RUFY1: variants seen among roughly 807,000 people sequenced by gnomAD.
RUFY1 encodes RUN and FYVE domain-containing protein 1.
A neutral mutation model predicts 94.6 loss-of-function variants in RUFY1; 54 were observed. The observed-to-expected ratio is 0.57, with a 90% CI of 0.46 to 0.72. The LOEUF is 0.72. Ranked by LOEUF, RUFY1 falls within the 30% of genes least tolerant of loss-of-function variation. The probability of loss-of-function intolerance (pLI) is 0.00; values close to 1 mark genes in which losing one functional copy is unlikely to be tolerated. For synonymous variants in RUFY1, 396 were observed against 347.3 expected (o/e 1.14, Z -1.56); for missense variants, 883 against 883.9 (o/e 1.00, Z 0.01).
chr5:179,593,200 T>C (rs762466964), intron 10 of RUFY1, among the ~76,000 whole-genome samples: 2 of 152,140 alleles, frequency 1.3e-5, no homozygotes, highest in South Asian at 4.1e-4. Flanking sequence ...CTCAGCCTCC[T>C]GAGAGTAGCT....
chr5:179,552,926 T>TA (rs1761932514), intron 1 of RUFY1, among the ~76,000 whole-genome samples: 1 of 152,228 alleles, frequency 6.6e-6, no homozygotes, highest in Non-Finnish European at 1.5e-5. Context: ...CCTGTACAAG[T>TA]ATTCATTCAT....
intron 11 of RUFY1, among the ~76,000 whole-genome samples, 182 bp downstream of exon 11, chr5:179,593,827 A>G (rs1765307997): frequency 6.6e-6 from 1 of 152,186 alleles, no homozygotes; most frequent in Non-Finnish European, 1.5e-5. Context: ...GGGAAATGTA[A>G]GTGACAAGGC....
intron 5 of RUFY1, among the ~76,000 whole-genome samples, chr5:179,576,028 T>C (rs916755181): frequency 6.6e-6 from 1 of 152,088 alleles, no homozygotes; most frequent in Non-Finnish European, 1.5e-5. Context: ...CCATCCACCC[T>C]CCTGAGACTC....
In RUFY1 at chr5:179,568,979, CAG is replaced by C. The variant is rs1253989188; in HGVS notation, c.705-321_705-320del. 4 of 942,404 alleles carry C rather than the reference CAG, an allele frequency of 4.2e-6. No individual in the cohort carries two copies. In the African/African-American group the frequency reaches 5.3e-5, roughly 13 times the overall value. The allele number at this position is 942,404 out of a possible 1,614,324, so 58.4% of individuals were successfully genotyped here. ...AGTGGAGAAGTAATTCATATCAACA[CAG>C]AACAGGAGCCAGTGGAGACACAGGA... On this transcript the variant is annotated intron_variant, in intron 4 of 17. Coordinates refer to ENST00000319449, the MANE Select transcript of RUFY1 (RefSeq NM_025158.5).
chr5:179,575,285 G>A (rs1054093632), intron 5 of RUFY1, among the ~76,000 whole-genome samples: 2 of 152,064 alleles, frequency 1.3e-5, no homozygotes, highest in South Asian at 2.1e-4. Flanking sequence ...GTTCAAGAGC[G>A]CACGTGCTTA....
intron 7 of RUFY1, among the ~76,000 whole-genome samples, chr5:179,582,564 G>A (rs1023524063): frequency 6.6e-6 from 1 of 152,148 alleles, no homozygotes; most frequent in African/African-American, 2.4e-5. Flanking sequence ...CTTTTAACAT[G>A]TAACCTGGTT....
At chr5:179,581,459 T>TTG (rs1764155850) in intron 7 of RUFY1, among the ~76,000 whole-genome samples, 1 of 140,358 alleles carries the variant, frequency 7.1e-6, no homozygotes, top group Non-Finnish European at 1.5e-5. Context: ...TTTTTTTTTT[T>TTG]GCTGGAAATC....
chr5:179,593,716 AC>A (rs1312996498), intron 11 of RUFY1, 71 bp downstream of exon 11: 20 of 1,553,390 alleles, frequency 1.3e-5, no homozygotes, highest in Admixed American at 2.0e-5. Context: ...CATTCTTCTT[AC>A]AAAATGAGCG....
rs112111207 is a variant in RUFY1, at chr5:179,585,026, G to A, written c.957-770G>A. Among the ~76,000 whole-genome samples, 1,001 of 152,156 alleles carry A rather than the reference G, an allele frequency of 6.6e-3. 12 individuals carry two copies. The highest frequency in any genetic ancestry group is 0.023 in the African/African-American group (938 of 41,498). Reference sequence around the variant, plus strand: ...GGCGCCTGTGGTCCCAGCTATTTGGGAGGCTGAGGCAGGAGAATCACCTGA... The same window carrying A: ...GGCGCCTGTGGTCCCAGCTATTTGGAAGGCTGAGGCAGGAGAATCACCTGA... On this transcript the variant is annotated intron_variant, in intron 7 of 17. Transcript: ENST00000319449.
At chr5:179,578,624 C>T (rs972629695) in intron 6 of RUFY1, among the ~76,000 whole-genome samples, 2 of 150,986 alleles carry the variant, frequency 1.3e-5, no homozygotes, top group Admixed American at 6.6e-5. Flanking sequence ...AACATACTAC[C>T]ATTTATGTTG....
rs140137888 is a variant in RUFY1, at chr5:179,581,686, C to CTT, written c.956+687_956+688dup. 6.0e-3 allele frequency among the ~76,000 whole-genome samples: 848 copies of CTT among 141,390 alleles called. 3 individuals carry two copies. The highest frequency in any genetic ancestry group is 0.015 in the Middle Eastern group (4 of 274). 92.8% of individuals were successfully genotyped at this position (141,390 alleles called of 152,430 possible). ...TTGCTCTGGGGCTGTTTTTACTTTTCTTTTTTTTTTTTTTGACAGGGTCTC... is the reference window on the plus strand; with the variant it reads ...TTGCTCTGGGGCTGTTTTTACTTTTCTTTTTTTTTTTTTTTTGACAGGGTCTC... On this transcript the variant is annotated intron_variant, in intron 7 of 17. Coordinates refer to ENST00000319449, the MANE Select transcript of RUFY1 (RefSeq NM_025158.5).
rs1256368060 is a variant in RUFY1 at position 179,609,642 on chromosome 5, C to T, written c.*123C>T. ...AAGAATCAAATTTCTTGCCCGGTCACTGGCACTCCAGAAGACAGCGTGCCG... is the reference window on the plus strand; with the variant it reads ...AAGAATCAAATTTCTTGCCCGGTCATTGGCACTCCAGAAGACAGCGTGCCG... On this transcript the variant is annotated 3_prime_UTR_variant, in exon 18 of 18. Transcript: ENST00000319449. The T allele has an allele frequency of 2.7e-5, 28 of 1,022,422 alleles. No individual in the cohort carries two copies. Among genetic ancestry groups the T allele is most frequent in the Non-Finnish European group, 3.7e-5 (27 of 729,734 alleles). 63.3% of individuals were successfully genotyped at this position (1,022,422 alleles called of 1,614,324 possible).
At chr5:179,566,392 G>A (rs930555031) in intron 3 of RUFY1, among the ~76,000 whole-genome samples, 15 of 151,974 alleles carry the variant, frequency 9.9e-5, no homozygotes, top group African/African-American at 3.4e-4. Context: ...ATTACTTGAG[G>A]TCAAGAGTTT....
At chr5:179,581,467 A>G (rs908508086) in intron 7 of RUFY1, among the ~76,000 whole-genome samples, 7 of 146,732 alleles carry the variant, frequency 4.8e-5, no homozygotes, top group African/African-American at 1.8e-4. Flanking sequence ...TTTGCTGGAA[A>G]TCTGTGGATG....
At chr5:179,607,749 C>T in intron 17 of RUFY1, 90 bp downstream of exon 17, 2 of 1,124,794 alleles carry the variant, frequency 1.8e-6, no homozygotes, top group South Asian at 1.3e-5. Context: ...CATATCAGAG[C>T]AGGCTCACTG....
At chr5:179,577,514 C>T (rs1025578510) in intron 6 of RUFY1, among the ~76,000 whole-genome samples, 1 of 145,276 alleles carries the variant, frequency 6.9e-6, no homozygotes, top group African/African-American at 2.5e-5. Flanking sequence ...TTGGGGCTAG[C>T]GGAGGGCCGG....
chr5:179,598,642 C>T (rs1402308795), intron 13 of RUFY1, 50 bp from the exon 14 acceptor site: 3 of 1,608,050 alleles, frequency 1.9e-6, no homozygotes, highest in Admixed American at 3.4e-5. Context: ...TGTGAATCTT[C>T]CGTGAAAGTC....
At chr5:179,591,415 A>G (rs1177676950) in intron 9 of RUFY1, among the ~76,000 whole-genome samples, 1 of 146,868 alleles carries the variant, frequency 6.8e-6, no homozygotes, top group Non-Finnish European at 1.5e-5. Flanking sequence ...CGATCGCCTG[A>G]CCTCGTGATC....
At position 179,580,840 on chromosome 5, in the gene RUFY1, T is replaced by C. The variant is rs1282127005; in HGVS notation, c.891-107T>C. 2.7e-4 allele frequency: 172 copies of C among 636,422 alleles called. 1 individual carries two copies. Among genetic ancestry groups the C allele is most frequent in the Non-Finnish European group, 2.7e-5 (10 of 366,048 alleles). The allele number at this position is 636,422 out of a possible 1,614,324, so 39.4% of individuals were successfully genotyped here. A position where few individuals can be genotyped will look rare whatever the true frequency, so the allele number is the denominator to read the frequency against. On this transcript the variant is annotated intron_variant, in intron 6 of 17. Transcript: ENST00000319449. Reference sequence around the variant, plus strand: ...TGAGCTCTGGCTGTCTCTTGGTTTCTTGAAGACATTGGTACTTCTACAAGG... The same window carrying C: ...TGAGCTCTGGCTGTCTCTTGGTTTCCTGAAGACATTGGTACTTCTACAAGG...
Sources: allele counts gnomAD v4.1 joint callset (sites outside exome capture counted in the v4.1 genomes callset), GRCh38; gene constraint gnomAD v4.1.1; transcripts MANE v1.5; gene names NCBI Gene and HGNC (gene_info 2026-07-23, HGNC 2026-07-21).